The following EXOC4 variants were observed in gnomAD, a reference collection of about 807,000 sequenced individuals.
The protein encoded by EXOC4 is SEC8-like 1.
In EXOC4, 71 loss-of-function variants were observed where a neutral mutation model predicts 107.2. The ratio of observed to expected loss-of-function variants is 0.66; its 90% CI spans 0.55 to 0.81. The LOEUF (loss-of-function observed/expected upper bound fraction) is 0.81. EXOC4 is among the 30% of genes least tolerant of loss of function. The probability of loss-of-function intolerance (pLI) is 0.00; values close to 1 mark genes in which losing one functional copy is unlikely to be tolerated. For missense variants in EXOC4, 1,108 were observed against 1,189.6 expected, an observed-to-expected ratio of 0.93 and a Z score of 1.01; for synonymous variants, 456 against 441.2, an observed-to-expected ratio of 1.03 and a Z score of -0.42.
At chr7:134,098,344 A>G in the EXOC4 span, among the ~76,000 whole-genome samples, 2 of 152,168 alleles carry the variant, frequency 1.3e-5, no homozygotes, top group Non-Finnish European at 2.9e-5. Flanking sequence ...TGCCACAGAG[A>G]GTACAGCTGT....
chr7:133,553,322 C>G (rs1800627321), intron 9 of EXOC4, among the ~76,000 whole-genome samples: 1 of 152,170 alleles, frequency 6.6e-6, no homozygotes, highest in Non-Finnish European at 1.5e-5. Context: ...CTATCTTCTG[C>G]TAAATCAATT....
intron 10 of EXOC4, among the ~76,000 whole-genome samples, chr7:133,639,145 G>A (rs1197589121): frequency 1.3e-5 from 2 of 152,122 alleles, no homozygotes; most frequent in Non-Finnish European, 2.9e-5. Flanking sequence ...GCATACCTAG[G>A]GGGAAAATAC....
chr7:134,097,733 A>C, the EXOC4 span, among the ~76,000 whole-genome samples: 1 of 152,216 alleles, frequency 6.6e-6, no homozygotes, highest in South Asian at 2.1e-4. Context: ...CCATTTATCC[A>C]TAAGACCCTT....
chr7:133,921,366 T>A (rs1799931936), intron 13 of EXOC4, among the ~76,000 whole-genome samples: 1 of 152,146 alleles, frequency 6.6e-6, no homozygotes, highest in African/African-American at 2.4e-5. Context: ...AATGCTAATC[T>A]CTTCTAGAAA....
At chr7:133,358,427 T>C (rs1419030621) in intron 6 of EXOC4, among the ~76,000 whole-genome samples, 1 of 152,232 alleles carries the variant, frequency 6.6e-6, no homozygotes, top group Non-Finnish European at 1.5e-5. Flanking sequence ...AATGCGTGTG[T>C]ATATGAATAT....
chr7:133,612,757 T>C (rs1268360590), intron 9 of EXOC4, among the ~76,000 whole-genome samples: 4 of 152,120 alleles, frequency 2.6e-5, no homozygotes, highest in Non-Finnish European at 5.9e-5. Context: ...TGGGATTCTT[T>C]ATGTTTTGAT....
At chr7:133,561,500 G>C (rs780834941) in intron 9 of EXOC4, among the ~76,000 whole-genome samples, 8 of 152,192 alleles carry the variant, frequency 5.3e-5, no homozygotes, top group Non-Finnish European at 1.2e-4. Flanking sequence ...ATCATTTATA[G>C]TGTGTTTTCC....
intron 7 of EXOC4, among the ~76,000 whole-genome samples, chr7:133,383,252 A>G (rs938870548): frequency 6.6e-6 from 1 of 152,182 alleles, no homozygotes; most frequent in Non-Finnish European, 1.5e-5. Flanking sequence ...TCCAGACGTT[A>G]TGATTCTGTA....
intron 10 of EXOC4, among the ~76,000 whole-genome samples, chr7:133,657,011 A>T (rs1335040621): frequency 6.6e-6 from 1 of 152,200 alleles, no homozygotes; most frequent in Admixed American, 6.6e-5. Context: ...GAATATCAGA[A>T]GTGGCACATA....
At chr7:133,800,937 C>G (rs1242410665) in intron 10 of EXOC4, among the ~76,000 whole-genome samples, 1 of 152,142 alleles carries the variant, frequency 6.6e-6, no homozygotes, top group Non-Finnish European at 1.5e-5. Context: ...TACAGTGGCT[C>G]AAGCTTGTGG....
chr7:133,885,992 G>A (rs1799078355), intron 11 of EXOC4, among the ~76,000 whole-genome samples: 1 of 152,186 alleles, frequency 6.6e-6, no homozygotes, highest in African/African-American at 2.4e-5. Context: ...CGAGAAGTAA[G>A]AGGCCTGTTC....
intron 12 of EXOC4, among the ~76,000 whole-genome samples, chr7:133,904,138 T>C (rs1042549479): frequency 1.3e-5 from 2 of 152,058 alleles, no homozygotes; most frequent in Non-Finnish European, 2.9e-5. Flanking sequence ...AGAAATGAGG[T>C]CACAGGAAGG....
intron 10 of EXOC4, among the ~76,000 whole-genome samples, chr7:133,730,128 T>C (rs977402913): frequency 1.0e-4 from 15 of 148,616 alleles, no homozygotes; most frequent in African/African-American, 2.7e-4. Context: ...CTCTTTCTAA[T>C]AACCACAAAT....
Position 133,324,726 on chromosome 7 carries a change from C to G in EXOC4, c.763+7336C>G, listed in dbSNP as rs1213581057. On this transcript the variant is annotated intron_variant, in intron 5 of 17. Transcript: ENST00000253861. ...AGAGTTCTGTAGAGGTCTATTAGGTCTGCTTGGTGCAGAGCTGAGTTCAAT... is the reference window on the plus strand; with the variant it reads ...AGAGTTCTGTAGAGGTCTATTAGGTGTGCTTGGTGCAGAGCTGAGTTCAAT... Among the ~76,000 whole-genome samples the G allele has an allele frequency of 2.0e-5, 3 of 152,202 alleles. No individual in the cohort carries two copies. In the East Asian group the frequency reaches 5.8e-4, roughly 29 times the overall value.
chr7:133,919,983 G>A (rs997945719), intron 13 of EXOC4, among the ~76,000 whole-genome samples: 3 of 152,166 alleles, frequency 2.0e-5, no homozygotes, highest in South Asian at 2.1e-4. Flanking sequence ...CAAAGTGGTT[G>A]TATCATTTCA....
intron 7 of EXOC4, among the ~76,000 whole-genome samples, chr7:133,404,349 C>T (rs563515401): frequency 1.2e-3 from 185 of 152,190 alleles, no homozygotes; most frequent in Non-Finnish European, 2.0e-3. Flanking sequence ...GTGATCCACC[C>T]GCCTCAGCCT....
chr7:133,830,437 G>C (rs1304757427), intron 11 of EXOC4, among the ~76,000 whole-genome samples: 2 of 152,170 alleles, frequency 1.3e-5, no homozygotes, highest in Non-Finnish European at 2.9e-5. Context: ...TGTTGCTTTA[G>C]AGCCAAAAGA....
chr7:133,994,973 A>G (rs1459749204), intron 14 of EXOC4, among the ~76,000 whole-genome samples: 1 of 152,160 alleles, frequency 6.6e-6, no homozygotes, highest in Non-Finnish European at 1.5e-5. Context: ...AAGTTTCAGT[A>G]AGCCCTGAGG....
At chr7:133,474,900 A>G (rs1358435512) in intron 7 of EXOC4, among the ~76,000 whole-genome samples, 2 of 152,176 alleles carry the variant, frequency 1.3e-5, no homozygotes, top group Non-Finnish European at 2.9e-5. Context: ...GTGCTTTAAA[A>G]GAGATAATAC....
Sources: gnomAD v4.1 joint callset for allele counts (sites outside exome capture counted in the v4.1 genomes callset) on GRCh38, gnomAD v4.1.1 for gene constraint, MANE v1.5 for transcripts, NCBI Gene and HGNC (gene_info 2026-07-23, HGNC 2026-07-21) for gene names.